Variants in PEBP4 observed in about 807,000 individuals in gnomAD.
The protein encoded by PEBP4 is phosphatidylethanolamine-binding protein 4.
In PEBP4, 22 loss-of-function variants were observed where a neutral mutation model predicts 23.9. The observed-to-expected ratio is 0.92, with a 90% CI of 0.66 to 1.31. The LOEUF (loss-of-function observed/expected upper bound fraction) is 1.31, where lower values mean the gene tolerates loss of function less well. Among genes scored for constraint, PEBP4 ranks in the 40% most tolerant of loss-of-function variants. The probability of loss-of-function intolerance (pLI) is 0.00; values close to 1 mark genes in which losing one functional copy is unlikely to be tolerated. For missense variants in PEBP4, 324 were observed against 281.7 expected (o/e 1.15, Z -1.07); for synonymous variants, 112 against 99.3 (o/e 1.13, Z -0.76).
intron 3 of PEBP4, among the ~76,000 whole-genome samples, chr8:22,860,209 C>CACATATATATGTATATATATATACACAT (rs1807746604): frequency 2.8e-5 from 3 of 106,204 alleles, no homozygotes; most frequent in Admixed American, 8.9e-5. Flanking sequence ...TATATATACA[C>CACATATATATGTATATATATATACACAT]ATATATGTAT....
At chr8:22,720,910 C>G (rs972427700) in intron 6 of PEBP4, among the ~76,000 whole-genome samples, 2 of 152,246 alleles carry the variant, frequency 1.3e-5, no homozygotes, top group Non-Finnish European at 2.9e-5. Context: ...CAAGTATACA[C>G]TAGGCATCTG....
At chr8:22,859,490 C>A (rs1167664561) in intron 3 of PEBP4, among the ~76,000 whole-genome samples, 1 of 152,146 alleles carries the variant, frequency 6.6e-6, no homozygotes, top group Admixed American at 6.5e-5. Flanking sequence ...CTGTCTCTGG[C>A]CCAGGTGAGA....
intron 3 of PEBP4, among the ~76,000 whole-genome samples, chr8:22,860,142 A>G (rs1266065870): frequency 9.9e-6 from 1 of 100,810 alleles, no homozygotes; most frequent in African/African-American, 2.8e-5. Flanking sequence ...AGAAAAAGAA[A>G]AAAAATTATA....
intron 4 of PEBP4, among the ~76,000 whole-genome samples, chr8:22,763,010 CT>C (rs34844479): frequency 1.6e-3 from 231 of 145,484 alleles, no homozygotes; most frequent in Middle Eastern, 3.5e-3. Flanking sequence ...TGAAAGAAGT[CT>C]TTTTTTTTTT....
At chr8:22,863,962 C>G (rs1466964083) in intron 3 of PEBP4, among the ~76,000 whole-genome samples, 1 of 152,134 alleles carries the variant, frequency 6.6e-6, no homozygotes, top group Admixed American at 6.5e-5. Flanking sequence ...TCTCTTGCCC[C>G]GACTACTGTA....
intron 4 of PEBP4, among the ~76,000 whole-genome samples, chr8:22,743,701 C>G (rs902530130): frequency 6.6e-6 from 1 of 152,162 alleles, no homozygotes; most frequent in Non-Finnish European, 1.5e-5. Flanking sequence ...GTGCATCCAC[C>G]CTGATTCTTA....
At chr8:22,730,880 C>T (rs558397490) in intron 4 of PEBP4, among the ~76,000 whole-genome samples, 15 of 152,314 alleles carry the variant, frequency 9.8e-5, no homozygotes, top group South Asian at 8.3e-4. Flanking sequence ...ATTTAAGCCC[C>T]TCCAGGACTG....
chr8:22,798,728 C>CTTTTTTTTTTTTTTTTTTTTTTTTTTTT (rs58435864), intron 4 of PEBP4: 1 of 84,220 alleles, frequency 1.2e-5, no homozygotes, highest in Non-Finnish European at 2.4e-5. Flanking sequence ...TTTCTTTTTT[C>CTTTTTTTTTTTTTTTTTTTTTTTTTTTT]TTTTTTTTTT....
chr8:22,846,872 G>A (rs1052887041), intron 3 of PEBP4, among the ~76,000 whole-genome samples: 1 of 152,114 alleles, frequency 6.6e-6, no homozygotes, highest in Non-Finnish European at 1.5e-5. Flanking sequence ...CATAACAAAG[G>A]GGGTCCTGGC....
intron 3 of PEBP4, among the ~76,000 whole-genome samples, chr8:22,880,144 G>A (rs553583197): frequency 1.3e-5 from 2 of 152,268 alleles, no homozygotes; most frequent in East Asian, 3.9e-4. Context: ...CCAGGACCCT[G>A]AAAGGAGTGG....
chr8:22,922,993 G>A (rs765934096), intron 2 of PEBP4, among the ~76,000 whole-genome samples: 6 of 152,124 alleles, frequency 3.9e-5, no homozygotes, highest in Admixed American at 3.3e-4. Flanking sequence ...CCAATATATC[G>A]GGGACATCAC....
At chr8:22,767,172 G>A (rs568763190) in intron 4 of PEBP4, among the ~76,000 whole-genome samples, 8 of 152,348 alleles carry the variant, frequency 5.3e-5, no homozygotes, top group Middle Eastern at 3.4e-3. Flanking sequence ...TGACTAGAGC[G>A]AAGCTCCGGT....
intron 1 of PEBP4, among the ~76,000 whole-genome samples, chr8:22,936,019 A>G (rs1179182376): frequency 4.3e-5 from 6 of 138,744 alleles, no homozygotes; most frequent in South Asian, 2.2e-4. Flanking sequence ...GGAGCTAGGG[A>G]AAAAAAAAAA....
At chr8:22,762,001 C>A (rs139725764) in intron 4 of PEBP4, among the ~76,000 whole-genome samples, 1,595 of 152,144 alleles carry the variant, frequency 0.01, 28 homozygotes, top group African/African-American at 0.036. Context: ...TTTAGCTCCC[C>A]CACAAGCCCC....
intron 4 of PEBP4, among the ~76,000 whole-genome samples, chr8:22,747,772 TG>T (rs1805158922): frequency 6.6e-6 from 1 of 152,244 alleles, no homozygotes; most frequent in Non-Finnish European, 1.5e-5. Flanking sequence ...TGCCTGGCCC[TG>T]GCTGTTCCAA....
At chr8:22,940,869 C>T (rs1037700956) in intron 1 of PEBP4, among the ~76,000 whole-genome samples, 3 of 152,146 alleles carry the variant, frequency 2.0e-5, no homozygotes, top group Non-Finnish European at 4.4e-5. Flanking sequence ...AAATTCCTAC[C>T]GCACACAAAC....
In PEBP4 at chr8:22,727,192, T is replaced by C. The variant is rs1202666112; in HGVS notation, c.386A>G (p.Gln129Arg). The change falls in exon 5 of 7, where the codon CAG (glutamine) becomes CGG (arginine). Residue 129 changes from glutamine (Q) to arginine (R), a missense_variant. Physicochemically the swap from Gln to Arg is conservative, Grantham distance 43 (BLOSUM62 1). Transcript: ENST00000256404. ...KGADLKKGKI[Q>R]GQELSAYQAP... Reference sequence around the variant, plus strand: ...TTACTCACCTGATAACTCCTGGCCCTGAATCTTCCCTTTCTTCAGGTCGGC... The same window carrying C: ...TTACTCACCTGATAACTCCTGGCCCCGAATCTTCCCTTTCTTCAGGTCGGC... 1.2e-6 allele frequency: 2 copies of C among 1,613,948 alleles called. No individual in the cohort carries two copies. The highest frequency in any genetic ancestry group is 1.7e-6 in the Non-Finnish European group (2 of 1,179,958).
rs569328475 is a variant in PEBP4, at chr8:22,788,672, T to C, written c.357+28965A>G. ...ACTGTCCTGATGGTTATTCATATGCTATGAATTCTAAATTGATACAAGGAT... is the reference window on the plus strand; with the variant it reads ...ACTGTCCTGATGGTTATTCATATGCCATGAATTCTAAATTGATACAAGGAT... On this transcript the variant is annotated intron_variant, in intron 4 of 6. Transcript: ENST00000256404. 3.3e-5 allele frequency among the ~76,000 whole-genome samples: 5 copies of C among 152,378 alleles called. No homozygotes were observed. The East Asian group carries it at 9.6e-4, about 29-fold the overall frequency.
intron 4 of PEBP4, among the ~76,000 whole-genome samples, chr8:22,731,267 C>T (rs761114789): frequency 3.9e-5 from 6 of 152,198 alleles, no homozygotes; most frequent in Non-Finnish European, 7.4e-5. Context: ...GCCTCTGCCA[C>T]CCCAAGACAG....
Sources: gnomAD v4.1 joint callset for allele counts (sites outside exome capture counted in the v4.1 genomes callset) on GRCh38, gnomAD v4.1.1 for gene constraint, MANE v1.5 for transcripts, NCBI Gene and HGNC (gene_info 2026-07-23, HGNC 2026-07-21) for gene names.